Variants in OTUD7B observed in about 807,000 individuals in gnomAD.
OTUD7B encodes OTU deubiquitinase 7B, also known as OTU domain-containing protein 7B.
Under a neutral mutation model 82.2 loss-of-function variants are expected in OTUD7B, and 34 were observed. The observed-to-expected ratio is 0.41, with a 90% CI of 0.31 to 0.55. The LOEUF (loss-of-function observed/expected upper bound fraction) is 0.55, where lower values mean the gene tolerates loss of function less well. Among genes scored for constraint, OTUD7B ranks in the 20% least tolerant of loss-of-function variants. The pLI, the probability that OTUD7B is intolerant of heterozygous loss-of-function variation, is 0.20. For missense variants in OTUD7B, 944 were observed against 1,062.1 expected (o/e 0.89, Z 1.55); for synonymous variants, 398 against 402.7 (o/e 0.99, Z 0.14).
chr1:149,980,213 A>C (rs1559852086), intron 1 of OTUD7B, among the ~76,000 whole-genome samples: 1 of 150,470 alleles, frequency 6.6e-6, no homozygotes, highest in South Asian at 2.1e-4. Context: ...GAGGTTCAAC[A>C]TTATCTAGAA....
chr1:149,947,317 C>T lies in OTUD7B; in HGVS notation c.1257G>A (p.Glu419=), dbSNP rs1647831475. 2 of 1,605,272 alleles carry T rather than the reference C, an allele frequency of 1.2e-6. No individual in the cohort carries two copies. Among genetic ancestry groups the T allele is most frequent in the African/African-American group, 2.7e-5 (2 of 74,832 alleles). ...AGCTATGCAGCAGATGCAATTTGAC[C>T]TCTAGGGACAGAATTACACTATGAA... The part of the protein sequence containing the change: ...VRLASVILSL[E]VKLHLLHSYM... Residue 419 remains glutamate (E), a synonymous_variant, in exon 11 of 12, where the codon GAG becomes GAA. Coordinates refer to ENST00000581312, the MANE Select transcript of OTUD7B (RefSeq NM_020205.4).
chr1:150,046,943 T>C, the OTUD7B span, among the ~76,000 whole-genome samples: 2 of 151,950 alleles, frequency 1.3e-5, no homozygotes, highest in East Asian at 3.9e-4. Flanking sequence ...TGGTGGCAGG[T>C]GCCTGTAATC....
chr1:149,974,413 A>G (rs989904511), intron 2 of OTUD7B, among the ~76,000 whole-genome samples: 43 of 151,822 alleles, frequency 2.8e-4, no homozygotes, highest in Non-Finnish European at 2.6e-4. Flanking sequence ...CTCAAATCCA[A>G]TCATGTCACT....
At chr1:150,010,916 C>G (rs1369264481), upstream of OTUD7B, among the ~76,000 whole-genome samples, 2 of 152,194 alleles carry the variant, frequency 1.3e-5, no homozygotes, top group Non-Finnish European at 2.9e-5. Flanking sequence ...GACCCGAGTC[C>G]CTAAAGCTCC....
chr1:149,985,385 C>A (rs1247938066), intron 1 of OTUD7B, among the ~76,000 whole-genome samples: 1 of 151,788 alleles, frequency 6.6e-6, no homozygotes, highest in Non-Finnish European at 1.5e-5. Flanking sequence ...CCAGCTTGGG[C>A]GACAGAGCGA....
At chr1:150,025,432 AACACACACACACACACACACAC>A in the OTUD7B span, among the ~76,000 whole-genome samples, 1 of 146,906 alleles carries the variant, frequency 6.8e-6, no homozygotes, top group Non-Finnish European at 1.5e-5. Flanking sequence ...AAGCAAACAA[AACACACACACACACACACACAC>A]ACACACACAC....
chr1:150,016,328 T>G, the OTUD7B span, among the ~76,000 whole-genome samples: 2 of 152,194 alleles, frequency 1.3e-5, no homozygotes, highest in Admixed American at 1.3e-4. Context: ...ACATTTCCAT[T>G]TCTACATTTG....
At chr1:149,996,119 AAG>A (rs1459566901) in intron 1 of OTUD7B, among the ~76,000 whole-genome samples, 1 of 152,358 alleles carries the variant, frequency 6.6e-6, no homozygotes, top group East Asian at 1.9e-4. Context: ...ATTGTGCTAC[AAG>A]AAAGAACCTG....
upstream of OTUD7B, among the ~76,000 whole-genome samples, chr1:150,011,202 C>T (rs1308784741): frequency 6.6e-6 from 1 of 152,210 alleles, no homozygotes; most frequent in Non-Finnish European, 1.5e-5. Context: ...TTGAAGTGAA[C>T]ATATCCTTCT....
the OTUD7B span, among the ~76,000 whole-genome samples, chr1:150,061,113 A>G: frequency 6.6e-6 from 1 of 152,180 alleles, no homozygotes; most frequent in Non-Finnish European, 1.5e-5. Flanking sequence ...GCTGGTCTCA[A>G]ACTTCTGGCC....
chr1:150,043,447 G>T, the OTUD7B span, among the ~76,000 whole-genome samples: 6 of 152,202 alleles, frequency 3.9e-5, no homozygotes, highest in Admixed American at 3.9e-4. Flanking sequence ...GTTTTTGGAG[G>T]GTAAGTTCAA....
rs781954881 is a variant in OTUD7B at position 149,943,873 on chromosome 1, A to G, written c.2516T>C (p.Leu839Pro). ...RREREPDGEL[L>P]VHRF ...TCCACCCGTTCAGAACCTGTGCACC[A>G]GGAGCTCCCCATCCGGTTCCCGCTC... is the stretch of plus-strand genomic sequence containing the variant. The change falls in exon 12 of 12, where the codon CTG (leucine) becomes CCG (proline). Residue 839 changes from leucine (L) to proline (P), a missense_variant. Leu to Pro is a moderately conservative substitution (Grantham distance 98). This residue lies in a region of OTUD7B where 412 missense variants were observed against 418.7 expected (regional missense o/e 0.98). Transcript: ENST00000581312. 7 of 1,614,030 alleles carry G rather than the reference A, an allele frequency of 4.3e-6. No homozygotes were observed. The Admixed American group carries it at 1.2e-4, about 27-fold the overall frequency.
At chr1:149,985,443 GTCGGGCATGCTGGC>G (rs1651064150) in intron 1 of OTUD7B, among the ~76,000 whole-genome samples, 1 of 152,036 alleles carries the variant, frequency 6.6e-6, no homozygotes. Flanking sequence ...CCTATACAGG[GTCGGGCATGCTGGC>G]TCACGCCTGG....
chr1:150,044,564 G>C, the OTUD7B span, among the ~76,000 whole-genome samples: 1 of 151,790 alleles, frequency 6.6e-6, no homozygotes, highest in South Asian at 2.1e-4. Context: ...CAGCTACTTG[G>C]GAGGCTGAGG....
intron 1 of OTUD7B, among the ~76,000 whole-genome samples, chr1:150,007,861 A>C (rs138920213): frequency 6.6e-6 from 1 of 152,208 alleles, no homozygotes; most frequent in African/African-American, 2.4e-5. Flanking sequence ...CTAAGTTCCC[A>C]TAGGAAAGAT....
At chr1:149,968,037 G>A (rs1309568531) in intron 3 of OTUD7B, among the ~76,000 whole-genome samples, 1 of 152,052 alleles carries the variant, frequency 6.6e-6, no homozygotes, top group Non-Finnish European at 1.5e-5. Context: ...GCCAAGGCAG[G>A]TGGATCACCT....
intron 1 of OTUD7B, among the ~76,000 whole-genome samples, chr1:150,006,408 G>C (rs1247154939): frequency 6.6e-6 from 1 of 152,198 alleles, no homozygotes; most frequent in African/African-American, 2.4e-5. Context: ...AGTAAGCTGA[G>C]ATTGCGCCAC....
At chr1:150,038,996 A>G in the OTUD7B span, among the ~76,000 whole-genome samples, 1 of 152,076 alleles carries the variant, frequency 6.6e-6, no homozygotes, top group Non-Finnish European at 1.5e-5. Flanking sequence ...TTGAAATGTA[A>G]TCTTTATTAT....
the OTUD7B span, among the ~76,000 whole-genome samples, chr1:150,061,788 T>C: frequency 6.6e-6 from 1 of 152,224 alleles, no homozygotes. Context: ...GCCTCCAGAA[T>C]GTCTAAATGA....
Sources: allele counts gnomAD v4.1 joint callset (sites outside exome capture counted in the v4.1 genomes callset), GRCh38; gene constraint gnomAD v4.1.1; regional missense constraint gnomAD v4.1.1; transcripts MANE v1.5; gene names NCBI Gene and HGNC (gene_info 2026-07-23, HGNC 2026-07-21).